GPR4: variants seen among roughly 807,000 people sequenced by gnomAD.
The protein encoded by GPR4 is G protein-coupled receptor 4.
A neutral mutation model predicts 17.8 loss-of-function variants in GPR4; 11 were observed. That is an observed-to-expected ratio of 0.62 (90% CI 0.39 to 1.02). The LOEUF is 1.02. GPR4 is among the 50% of genes least tolerant of loss of function. The probability of loss-of-function intolerance (pLI) is 0.00; values close to 1 mark genes in which losing one functional copy is unlikely to be tolerated. For synonymous variants in GPR4, 219 were observed against 222.8 expected (o/e 0.98, Z 0.15); for missense variants, 364 against 495.4 (o/e 0.73, Z 2.52).
Position 45,592,017 on chromosome 19 carries a change from G to T in GPR4, c.-151C>A, listed in dbSNP as rs1970003003. On this transcript the variant is annotated 5_prime_UTR_variant, in exon 2 of 2. Transcript: ENST00000323040. ...GGTCTACAGGGAAGAGATGAGGTTG[G>T]GTAGGCTGGGCTGGGCTGGGAAGGG... 3.8e-6 allele frequency: 3 copies of T among 791,116 alleles called. No homozygotes were observed. The highest frequency in any genetic ancestry group is 3.5e-5 in the Admixed American group (1 of 28,238). 49.0% of individuals were successfully genotyped at this position (791,116 alleles called of 1,614,324 possible). A position where few individuals can be genotyped will look rare whatever the true frequency, so the allele number is the denominator to read the frequency against.
chr19:45,590,829 C>A lies in GPR4; in HGVS notation c.1038G>T (p.Pro346=). ...KAMTGSWAAT[P]PSQGDQVQLK... ...GCTGCACCTGGTCCCCCTGGGAGGG[C>A]GGAGTGGCCGCCCAGCTGCCAGTCA... is the stretch of plus-strand genomic sequence containing the variant. Residue 346 remains proline (P), a synonymous_variant, in exon 2 of 2, where the codon CCG becomes CCT. Coordinates refer to ENST00000323040, the MANE Select transcript of GPR4 (RefSeq NM_005282.3). The A allele has an allele frequency of 6.2e-7, 1 of 1,607,312 alleles. No individual in the cohort carries two copies. The highest frequency in any genetic ancestry group is 8.5e-7 in the Non-Finnish European group (1 of 1,176,034).
chr19:45,592,168 G>T lies in GPR4; in HGVS notation c.-302C>A. On this transcript the variant is annotated 5_prime_UTR_variant, in exon 2 of 2. Coordinates refer to ENST00000323040, the MANE Select transcript of GPR4 (RefSeq NM_005282.3). ...GTATGGAGTCAGTGTGTCAACGAGGGAGTATGGGGGTGACACAAAAATTGG... is the reference window on the plus strand; with the variant it reads ...GTATGGAGTCAGTGTGTCAACGAGGTAGTATGGGGGTGACACAAAAATTGG... 3.1e-6 allele frequency: 1 copy of T among 324,872 alleles called. No homozygotes were observed. The highest frequency in any genetic ancestry group is 9.1e-5 in the South Asian group (1 of 11,026). 20.1% of individuals were successfully genotyped at this position (324,872 alleles called of 1,614,324 possible).
Position 45,591,338 on chromosome 19 carries a change from A to G in GPR4, c.529T>C (p.Trp177Arg). Residue 177 changes from tryptophan (W) to arginine (R), a missense_variant, in exon 2 of 2, where the codon TGG becomes CGG. This residue lies in a region of GPR4 where 271 missense variants were observed against 373.1 expected (regional missense o/e 0.73). Coordinates refer to ENST00000323040, the MANE Select transcript of GPR4 (RefSeq NM_005282.3). The surrounding 1 kb of genome is among the most constrained non-coding windows in gnomAD (Gnocchi z 7.6). ...FCFEKFPMEG[W>R]VAWMNLYRVF... is the part of the protein sequence containing the mutation. ...CGATAGAGGTTCATCCAGGCCACCC[A>G]GCCTTCCATGGGGAACTTCTCAAAG... The G allele has an allele frequency of 6.2e-7, 1 of 1,613,226 alleles. No homozygotes were observed. Among genetic ancestry groups the G allele is most frequent in the Non-Finnish European group, 8.5e-7 (1 of 1,179,916 alleles).
rs1242366687 is a variant in GPR4 at position 45,594,060 on chromosome 19, AAAAATAT to A, written c.-831-1370_-831-1364del. ...CATGCCTGGCTTAAAAAAAAAAAAA[AAAAATAT>A]ATATATATATATATATATATATATA... On this transcript the variant is annotated intron_variant, in intron 1 of 1. Coordinates refer to ENST00000323040, the MANE Select transcript of GPR4 (RefSeq NM_005282.3). Among the ~76,000 whole-genome samples the A allele has an allele frequency of 5.0e-3, 241 of 47,900 alleles. 1 individual carries two copies. The highest frequency in any genetic ancestry group is 6.1e-3 in the Non-Finnish European group (165 of 27,076). The allele number at this position is 47,900 out of a possible 152,430, so 31.4% of individuals were successfully genotyped here. A position where few individuals can be genotyped will look rare whatever the true frequency, so the allele number is the denominator to read the frequency against.
At chr19:45,596,550 TTTTC>T (rs368380974) in intron 1 of GPR4, among the ~76,000 whole-genome samples, 5 of 151,768 alleles carry the variant, frequency 3.3e-5, no homozygotes, top group Non-Finnish European at 4.4e-5. Flanking sequence ...TCTTCTTTTC[TTTTC>T]TTTCTTTCTT....
At chr19:45,595,959 G>A (rs539683637) in intron 1 of GPR4, among the ~76,000 whole-genome samples, 4 of 152,256 alleles carry the variant, frequency 2.6e-5, no homozygotes, top group Non-Finnish European at 5.9e-5. Flanking sequence ...GGAGGTCCAT[G>A]GGAGCCTCCC....
intron 1 of GPR4, among the ~76,000 whole-genome samples, chr19:45,600,206 G>A (rs1297718319): frequency 6.6e-6 from 1 of 152,106 alleles, no homozygotes; most frequent in African/African-American, 2.4e-5. Flanking sequence ...GCTATATCCA[G>A]GCCGCCTCTC....
chr19:45,592,001 G>A lies in GPR4; in HGVS notation c.-135C>T, dbSNP rs1970002865. The A allele has an allele frequency of 4.2e-6, 4 of 954,460 alleles. No homozygotes were observed. The highest frequency in any genetic ancestry group is 6.1e-6 in the Non-Finnish European group (4 of 659,038). The allele number at this position is 954,460 out of a possible 1,614,324, so 59.1% of individuals were successfully genotyped here. ...GAACATGGTGGGATGTGGTCTACAGGGAAGAGATGAGGTTGGGTAGGCTGG... is the reference window on the plus strand; with the variant it reads ...GAACATGGTGGGATGTGGTCTACAGAGAAGAGATGAGGTTGGGTAGGCTGG... On this transcript the variant is annotated 5_prime_UTR_variant, in exon 2 of 2. Coordinates refer to ENST00000323040, the MANE Select transcript of GPR4 (RefSeq NM_005282.3).
rs778356003 is a variant in GPR4, at chr19:45,590,883, G to A, written c.984C>T (p.Thr328=). 7 of 1,614,040 alleles carry A rather than the reference G, an allele frequency of 4.3e-6. No individual in the cohort carries two copies. Among genetic ancestry groups the A allele is most frequent in the East Asian group, 2.2e-5 (1 of 44,890 alleles). ...CTTTGGCTGTGCTGTTCCTCTTGGA[G>A]GTGAGTGGGGTCTCCAGGGTGAGCG... ...NASLTLETPL[T]SKRNSTAKAM... The change falls in exon 2 of 2, where the codon ACC becomes ACT. Residue 328 remains threonine, a synonymous_variant. Coordinates refer to ENST00000323040, the MANE Select transcript of GPR4 (RefSeq NM_005282.3).
chr19:45,595,747 TTC>T (rs1970051909), intron 1 of GPR4, among the ~76,000 whole-genome samples: 2 of 149,042 alleles, frequency 1.3e-5, no homozygotes, highest in Non-Finnish European at 1.5e-5. Flanking sequence ...TTTTTTTTTT[TTC>T]CCCCAACAAG....
At position 45,590,715 on chromosome 19, in the gene GPR4, G is replaced by C. The variant is rs1969980273; in HGVS notation, c.*63C>G. On this transcript the variant is annotated 3_prime_UTR_variant, in exon 2 of 2. Transcript: ENST00000323040. ...TTTTCCATACAATTTGCATACACCA[G>C]ACCAGGAGAGAAGGGACTGTGGGAT... 9 of 1,512,400 alleles carry C rather than the reference G, an allele frequency of 6.0e-6. No homozygotes were observed. The Admixed American group carries it at 2.0e-4, about 34-fold the overall frequency. The allele number at this position is 1,512,400 out of a possible 1,614,324, so 93.7% of individuals were successfully genotyped here. A position where few individuals can be genotyped will look rare whatever the true frequency, so the allele number is the denominator to read the frequency against.
intron 1 of GPR4, among the ~76,000 whole-genome samples, chr19:45,598,685 C>A (rs1246824133): frequency 6.6e-6 from 1 of 152,126 alleles, no homozygotes; most frequent in Non-Finnish European, 1.5e-5. Flanking sequence ...GTATGTGTGG[C>A]AGCTGGGAGT....
chr19:45,601,120 C>T (rs1174592320), intron 1 of GPR4, among the ~76,000 whole-genome samples: 1 of 151,940 alleles, frequency 6.6e-6, no homozygotes, highest in Non-Finnish European at 1.5e-5. Context: ...TGATGGTGGG[C>T]TCTGGAGGGG....
Position 45,591,418 on chromosome 19 carries a change from G to C in GPR4, c.449C>G (p.Ser150Trp). The change falls in exon 2 of 2, where the codon TCG becomes TGG. Residue 150 changes from serine (S) to tryptophan (W), a missense_variant. Ser to Trp is a radical substitution (Grantham distance 177). Coordinates refer to ENST00000323040, the MANE Select transcript of GPR4 (RefSeq NM_005282.3). The surrounding 1 kb of genome is among the most constrained non-coding windows in gnomAD (Gnocchi z 7.6). Reference sequence around the variant, plus strand: ...GAGCTCGTCATGGAACAGGGGCGCCGAGTTGGCGCCCAGCTCCGTGGCCCA... The same window carrying C: ...GAGCTCGTCATGGAACAGGGGCGCCCAGTTGGCGCCCAGCTCCGTGGCCCA... ...VVWATELGANSAPLFHDELFR... is the reference protein window; with the variant it reads ...VVWATELGANWAPLFHDELFR... The C allele has an allele frequency of 6.2e-7, 1 of 1,607,072 alleles. No individual in the cohort carries two copies. The highest frequency in any genetic ancestry group is 8.5e-7 in the Non-Finnish European group (1 of 1,178,294).
Position 45,590,614 on chromosome 19 carries a change from C to A in GPR4, c.*164G>T. 2.4e-6 allele frequency: 2 copies of A among 825,008 alleles called. No individual in the cohort carries two copies. The highest frequency in any genetic ancestry group is 3.6e-6 in the Non-Finnish European group (2 of 549,708). The allele number at this position is 825,008 out of a possible 1,614,324, so 51.1% of individuals were successfully genotyped here. A position where few individuals can be genotyped will look rare whatever the true frequency, so the allele number is the denominator to read the frequency against. On this transcript the variant is annotated 3_prime_UTR_variant, in exon 2 of 2. Transcript: ENST00000323040. The stretch of plus-strand genomic sequence containing the variant: ...GCCAAACTGTGATGGGATCTGGGAG[C>A]ACAAAGGTTGACCAGTGACACACCA...
intron 1 of GPR4, among the ~76,000 whole-genome samples, chr19:45,594,063 AATATATATATAT>A (rs1186316579): frequency 5.5e-5 from 2 of 36,242 alleles, no homozygotes; most frequent in Admixed American, 3.5e-4. Flanking sequence ...AAAAAAAAAA[AATATATATATAT>A]ATATATATAT....
chr19:45,594,094 A>ATATTTTAT (rs1970032285), intron 1 of GPR4, among the ~76,000 whole-genome samples: 1 of 112,958 alleles, frequency 8.9e-6, no homozygotes, highest in African/African-American at 4.3e-5. Context: ...ATATATATAT[A>ATATTTTAT]AAATAGATGC....
chr19:45,601,507 C>A (rs1156666965), intron 1 of GPR4, among the ~76,000 whole-genome samples: 1 of 152,088 alleles, frequency 6.6e-6, no homozygotes, highest in East Asian at 1.9e-4. Context: ...AGGTCACAAG[C>A]CTCCTGCCCC....
chr19:45,591,289 G>A lies in GPR4; in HGVS notation c.578C>T (p.Pro193Leu), dbSNP rs78022169. 1.2e-6 allele frequency: 2 copies of A among 1,612,770 alleles called. No homozygotes were observed. The highest frequency in any genetic ancestry group is 8.5e-7 in the Non-Finnish European group (1 of 1,179,832). Residue 193 changes from proline (P) to leucine (L), a missense_variant, in exon 2 of 2, where the codon CCG becomes CTG. Coordinates refer to ENST00000323040, the MANE Select transcript of GPR4 (RefSeq NM_005282.3). The surrounding 1 kb of genome is among the most constrained non-coding windows in gnomAD (Gnocchi z 7.6). ...GTACGACAGCAGCATGAGCGCCCAC[G>A]GGAAGAGGAAGCCCACGAACACCCG... The part of the protein sequence containing the change: ...LYRVFVGFLF[P>L]WALMLLSYRG...
Sources: gnomAD v4.1 joint callset for allele counts (sites outside exome capture counted in the v4.1 genomes callset) on GRCh38, gnomAD v4.1.1 for gene constraint, gnomAD v4.1.1 regional missense constraint, Gnocchi (gnomAD v3.1) non-coding constraint, MANE v1.5 for transcripts, NCBI Gene and HGNC (gene_info 2026-07-23, HGNC 2026-07-21) for gene names.